The following CSMD1 variants were observed in gnomAD, a reference collection of about 807,000 sequenced individuals.
The protein encoded by CSMD1 is CUB and Sushi multiple domains 1.
Under a neutral mutation model 417.5 loss-of-function variants are expected in CSMD1, and 213 were observed. That is an observed-to-expected ratio of 0.51 (90% confidence interval 0.46 to 0.57). The LOEUF is 0.57. Ranked by LOEUF, CSMD1 falls within the 20% of genes least tolerant of loss-of-function variation. CSMD1 has a pLI of 0.00. For synonymous variants in CSMD1, 2,862 were observed against 1,736.8 expected, an observed-to-expected ratio of 1.65 and a Z score of -16.11; for missense variants, 6,923 against 4,529.7, an observed-to-expected ratio of 1.53 and a Z score of -15.17.
At chr8:3,399,763 T>G (rs1343524883) in intron 15 of CSMD1, among the ~76,000 whole-genome samples, 4 of 152,224 alleles carry the variant, frequency 2.6e-5, no homozygotes, top group African/African-American at 9.7e-5. Flanking sequence ...CTAGTAATGG[T>G]AATGTATACG....
intron 3 of CSMD1, among the ~76,000 whole-genome samples, chr8:4,298,074 T>G (rs977312337): frequency 2.0e-5 from 3 of 152,216 alleles, no homozygotes; most frequent in African/African-American, 7.2e-5. Flanking sequence ...CTAGCGTCTC[T>G]CTGGTGAAAA....
At chr8:4,788,801 A>G (rs1797543709) in intron 1 of CSMD1, among the ~76,000 whole-genome samples, 1 of 152,192 alleles carries the variant, frequency 6.6e-6, no homozygotes, top group Non-Finnish European at 1.5e-5. Context: ...ACTTAACATG[A>G]CATCTGCTTT....
intron 1 of CSMD1, among the ~76,000 whole-genome samples, chr8:4,868,964 A>G (rs1017321528): frequency 6.6e-6 from 1 of 152,056 alleles, no homozygotes; most frequent in African/African-American, 2.4e-5. Context: ...ATATACACAC[A>G]GAGACATACA....
intron 5 of CSMD1, among the ~76,000 whole-genome samples, chr8:3,966,223 G>A (rs923821402): frequency 1.3e-5 from 2 of 152,098 alleles, no homozygotes; most frequent in Admixed American, 6.5e-5. Flanking sequence ...CAGCTTATTG[G>A]CTAAATGATT....
chr8:4,178,648 T>C (rs551845096), intron 3 of CSMD1, among the ~76,000 whole-genome samples: 1 of 152,286 alleles, frequency 6.6e-6, no homozygotes, highest in East Asian at 1.9e-4. Context: ...ATTGTCCCTT[T>C]TTGCAGATAA....
chr8:3,266,657 C>A (rs1444563014), intron 26 of CSMD1, among the ~76,000 whole-genome samples: 1 of 145,316 alleles, frequency 6.9e-6, no homozygotes. Flanking sequence ...CATCTGTAAT[C>A]CCAGCTACTC....
chr8:3,891,613 G>GTCCAGGCTTCAGTGAGCTGTGA (rs1806979392), intron 5 of CSMD1, among the ~76,000 whole-genome samples: 1 of 151,976 alleles, frequency 6.6e-6, no homozygotes, highest in Non-Finnish European at 1.5e-5. Context: ...AGCCCAGGAG[G>GTCCAGGCTTCAGTGAGCTGTGA]TCCAGGCTTC....
At chr8:4,500,149 G>C (rs998887316) in intron 2 of CSMD1, among the ~76,000 whole-genome samples, 3 of 151,966 alleles carry the variant, frequency 2.0e-5, no homozygotes, top group Admixed American at 6.6e-5. Context: ...GAAGTTATAC[G>C]AGGTGAAAAG....
At chr8:3,042,562 G>A (rs977073310) in intron 50 of CSMD1, among the ~76,000 whole-genome samples, 2 of 152,100 alleles carry the variant, frequency 1.3e-5, no homozygotes, top group Non-Finnish European at 1.5e-5. Flanking sequence ...GGCACTTTAC[G>A]CTAGTTCCAC....
At chr8:4,797,811 A>G (rs573161467) in intron 1 of CSMD1, among the ~76,000 whole-genome samples, 2 of 152,178 alleles carry the variant, frequency 1.3e-5, no homozygotes, top group African/African-American at 2.4e-5. Context: ...ACTTGTGCTC[A>G]TGTAACAAAA....
At chr8:3,681,895 C>T (rs762696342) in intron 7 of CSMD1, among the ~76,000 whole-genome samples, 5 of 152,222 alleles carry the variant, frequency 3.3e-5, no homozygotes, top group South Asian at 2.1e-4. Context: ...CACACATCTA[C>T]GACTATCTGA....
intron 25 of CSMD1, among the ~76,000 whole-genome samples, chr8:3,304,529 G>T (rs952622722): frequency 6.6e-6 from 1 of 152,034 alleles, no homozygotes; most frequent in East Asian, 1.9e-4. Context: ...TGTCAATTGA[G>T]GAAATTAAGG....
intron 10 of CSMD1, among the ~76,000 whole-genome samples, chr8:3,553,124 G>A (rs77681907): frequency 0.49 from 71,362 of 146,168 alleles, 17,374 homozygotes; most frequent in East Asian, 0.56. Context: ...TGGACAAGGA[G>A]AAAAAAAAAA....
At chr8:3,252,524 T>C (rs1800345563) in intron 26 of CSMD1, among the ~76,000 whole-genome samples, 1 of 152,316 alleles carries the variant, frequency 6.6e-6, no homozygotes, top group South Asian at 2.1e-4. Context: ...TAAAATTCTC[T>C]TTTTTTGTTG....
intron 50 of CSMD1, among the ~76,000 whole-genome samples, chr8:3,039,983 G>A (rs1234663316): frequency 4.6e-5 from 7 of 152,146 alleles, no homozygotes; most frequent in African/African-American, 1.7e-4. Flanking sequence ...TTTCCAAGCA[G>A]GTTTCACTGA....
At chr8:4,005,467 G>A (rs900896263) in intron 4 of CSMD1, among the ~76,000 whole-genome samples, 5 of 152,072 alleles carry the variant, frequency 3.3e-5, no homozygotes, top group African/African-American at 7.2e-5. Context: ...CATGGTGGCC[G>A]ACATGAACAC....
intron 51 of CSMD1, among the ~76,000 whole-genome samples, chr8:3,021,794 G>A (rs1224919736): frequency 6.8e-6 from 1 of 147,322 alleles, no homozygotes; most frequent in East Asian, 2.1e-4. Flanking sequence ...CACATCCATA[G>A]CATCTGGAAT....
rs573406076 is a variant in CSMD1 at position 4,349,223 on chromosome 8, T to G, written c.415+70730A>C. Among the ~76,000 whole-genome samples, 4 of 152,318 alleles carry G rather than the reference T, an allele frequency of 2.6e-5. No homozygotes were observed. In the East Asian group the frequency reaches 7.7e-4, roughly 29 times the overall value. ...TAATCAGAATGACTATAAGAAGGGC[T>G]TGTTTGCTAATTGTCTTGTGGTATT... On this transcript the variant is annotated intron_variant, in intron 3 of 69. Coordinates refer to ENST00000635120, the MANE Select transcript of CSMD1 (RefSeq NM_033225.6).
chr8:3,166,893 C>A (rs1373505296), intron 37 of CSMD1, among the ~76,000 whole-genome samples: 2 of 152,112 alleles, frequency 1.3e-5, no homozygotes, highest in Admixed American at 6.5e-5. Flanking sequence ...GGAAAATTTT[C>A]AAGAGAAATA....
Sources: gnomAD v4.1 joint callset for allele counts (sites outside exome capture counted in the v4.1 genomes callset) on GRCh38, gnomAD v4.1.1 for gene constraint, MANE v1.5 for transcripts, NCBI Gene and HGNC (gene_info 2026-07-23, HGNC 2026-07-21) for gene names.